KCNJ6: variants seen among roughly 807,000 people sequenced by gnomAD.
KCNJ6 encodes the protein potassium inwardly rectifying channel subfamily J member 6.
In KCNJ6, 9 loss-of-function variants were observed where a neutral mutation model predicts 34.2. That is an observed-to-expected ratio of 0.26 (90% CI 0.16 to 0.46). The LOEUF (loss-of-function observed/expected upper bound fraction) is 0.46, where lower values mean the gene tolerates loss of function less well. Ranked by LOEUF, KCNJ6 falls within the 20% of genes least tolerant of loss-of-function variation. The probability of loss-of-function intolerance (pLI) is 1.00; values close to 1 mark genes in which losing one functional copy is unlikely to be tolerated. For missense variants in KCNJ6, 236 were observed against 531.3 expected (o/e 0.44, Z 5.46); for synonymous variants, 196 against 207.1 (o/e 0.95, Z 0.46).
chr21:37,851,302 C>T (rs1463373009), intron 1 of KCNJ6, among the ~76,000 whole-genome samples: 3 of 152,196 alleles, frequency 2.0e-5, no homozygotes, highest in South Asian at 4.1e-4. Flanking sequence ...TGGAAGCCAG[C>T]TTGTTCCCTA....
chr21:37,702,262 C>T (rs867984396), intron 3 of KCNJ6, among the ~76,000 whole-genome samples: 32 of 140,190 alleles, frequency 2.3e-4, no homozygotes, highest in African/African-American at 8.3e-4. Flanking sequence ...AAAGCTCTGA[C>T]TGTTCTGTGC....
At chr21:37,786,682 C>T (rs546651938) in intron 2 of KCNJ6, among the ~76,000 whole-genome samples, 1 of 152,346 alleles carries the variant, frequency 6.6e-6, no homozygotes, top group African/African-American at 2.4e-5. Context: ...GAGACTGAGT[C>T]TTACAGCGAG....
chr21:37,637,027 A>G (rs1289269526), intron 3 of KCNJ6, among the ~76,000 whole-genome samples: 1 of 152,240 alleles, frequency 6.6e-6, no homozygotes, highest in Admixed American at 6.5e-5. Context: ...ACACCAGGCT[A>G]CATAGATGAT....
At chr21:37,697,774 G>A (rs545482546) in intron 3 of KCNJ6, among the ~76,000 whole-genome samples, 1 of 152,288 alleles carries the variant, frequency 6.6e-6, no homozygotes, top group Non-Finnish European at 1.5e-5. Context: ...CCTGAGAGAG[G>A]ATAAGGTTGT....
At chr21:37,828,446 G>A (rs2055409334) in intron 2 of KCNJ6, among the ~76,000 whole-genome samples, 1 of 152,162 alleles carries the variant, frequency 6.6e-6, no homozygotes, top group African/African-American at 2.4e-5. Flanking sequence ...CCTGTGGGCT[G>A]TCCCAGCTCA....
At chr21:37,630,173 T>C (rs2054328087) in intron 3 of KCNJ6, among the ~76,000 whole-genome samples, 1 of 149,556 alleles carries the variant, frequency 6.7e-6, no homozygotes, top group African/African-American at 2.5e-5. Context: ...TTATGTTCCA[T>C]ATCAGGGACA....
intron 2 of KCNJ6, among the ~76,000 whole-genome samples, chr21:37,799,508 T>C (rs1449186357): frequency 1.3e-5 from 2 of 152,184 alleles, no homozygotes; most frequent in African/African-American, 4.8e-5. Context: ...GAGTCTCCTC[T>C]ACACAGTAAT....
At chr21:37,885,064 G>T (rs1271018671) in intron 1 of KCNJ6, among the ~76,000 whole-genome samples, 1 of 152,186 alleles carries the variant, frequency 6.6e-6, no homozygotes. Context: ...GGTTCCCTGT[G>T]TTGGGATCCA....
At chr21:37,740,932 CT>C (rs2054938165) in intron 2 of KCNJ6, among the ~76,000 whole-genome samples, 1 of 152,240 alleles carries the variant, frequency 6.6e-6, no homozygotes, top group Non-Finnish European at 1.5e-5. Flanking sequence ...TTCTCAGTGA[CT>C]TTTCCTGACT....
intron 2 of KCNJ6, among the ~76,000 whole-genome samples, chr21:37,764,695 T>C (rs1327640920): frequency 6.6e-6 from 1 of 152,226 alleles, no homozygotes; most frequent in Non-Finnish European, 1.5e-5. Context: ...TACTTTTTGA[T>C]GGTGCTTTCC....
intron 2 of KCNJ6, among the ~76,000 whole-genome samples, chr21:37,786,544 T>C (rs1205251659): frequency 6.6e-6 from 1 of 152,144 alleles, no homozygotes; most frequent in Non-Finnish European, 1.5e-5. Context: ...AGCTGAACAA[T>C]AGGCCAACAG....
At chr21:37,860,086 G>A (rs1274332602) in intron 1 of KCNJ6, among the ~76,000 whole-genome samples, 2 of 152,030 alleles carry the variant, frequency 1.3e-5, no homozygotes, top group South Asian at 2.1e-4. Context: ...CAGGTCACCC[G>A]GTGCAATGGC....
intron 3 of KCNJ6, among the ~76,000 whole-genome samples, chr21:37,659,374 A>G (rs2054478039): frequency 6.6e-6 from 1 of 152,212 alleles, no homozygotes; most frequent in African/African-American, 2.4e-5. Flanking sequence ...GCGGACAGCA[A>G]AGCCCTTGAT....
At chr21:37,914,797 T>A (rs762266597) in intron 1 of KCNJ6, among the ~76,000 whole-genome samples, 1 of 152,112 alleles carries the variant, frequency 6.6e-6, no homozygotes, top group Non-Finnish European at 1.5e-5. Flanking sequence ...GCTAGCAGGA[T>A]GTGGCATTGC....
chr21:37,676,276 A>T (rs890874527), intron 3 of KCNJ6, among the ~76,000 whole-genome samples: 4 of 152,210 alleles, frequency 2.6e-5, no homozygotes, highest in Non-Finnish European at 5.9e-5. Context: ...TGGTCCTGGC[A>T]TGGGCCAGGT....
intron 2 of KCNJ6, among the ~76,000 whole-genome samples, chr21:37,790,020 G>A (rs961711414): frequency 2.0e-5 from 3 of 152,094 alleles, no homozygotes; most frequent in Non-Finnish European, 4.4e-5. Flanking sequence ...AAGGATCATC[G>A]CGAACTTCCA....
chr21:37,824,015 A>G (rs1248300064), intron 2 of KCNJ6, among the ~76,000 whole-genome samples: 1 of 152,304 alleles, frequency 6.6e-6, no homozygotes, highest in African/African-American at 2.4e-5. Context: ...GCTTGATTGA[A>G]TCATTTCACA....
intron 1 of KCNJ6, among the ~76,000 whole-genome samples, chr21:37,891,370 C>T (rs989253862): frequency 4.6e-5 from 7 of 151,970 alleles, no homozygotes; most frequent in East Asian, 1.9e-4. Flanking sequence ...CACACATGCA[C>T]GGACACAGGC....
chr21:37,860,191 C>T (rs997670687), intron 1 of KCNJ6, among the ~76,000 whole-genome samples: 4 of 152,166 alleles, frequency 2.6e-5, no homozygotes, highest in African/African-American at 9.7e-5. Context: ...CTCCTGAATC[C>T]TATTTTACAC....
Sources: gnomAD v4.1 joint callset for allele counts (sites outside exome capture counted in the v4.1 genomes callset) on GRCh38, gnomAD v4.1.1 for gene constraint, MANE v1.5 for transcripts, NCBI Gene and HGNC (gene_info 2026-07-23, HGNC 2026-07-21) for gene names.